Variants in DCC observed in about 807,000 individuals in gnomAD.
The protein encoded by DCC is netrin receptor DCC.
A neutral mutation model predicts 172.5 loss-of-function variants in DCC; 58 were observed. The observed-to-expected ratio is 0.34, with a 90% CI of 0.27 to 0.42. DCC has a LOEUF of 0.42. Among genes scored for constraint, DCC ranks in the 10% least tolerant of loss-of-function variants. DCC has a pLI of 1.00. For missense variants in DCC, 1,740 were observed against 1,791.0 expected (o/e 0.97, Z 0.51); for synonymous variants, 709 against 644.5 (o/e 1.10, Z -1.52).
intron 5 of DCC, among the ~76,000 whole-genome samples, chr18:52,926,362 G>T (rs181690455): frequency 6.6e-6 from 1 of 151,892 alleles, no homozygotes; most frequent in East Asian, 1.9e-4. Context: ...GACGTTGCTT[G>T]TTCTTTGATC....
intron 22 of DCC, among the ~76,000 whole-genome samples, chr18:53,449,750 T>C (rs941882588): frequency 6.6e-6 from 1 of 152,190 alleles, no homozygotes; most frequent in Non-Finnish European, 1.5e-5. Context: ...TATTGAGATA[T>C]ATCTTATGCG....
chr18:52,361,055 G>A (rs74796234), intron 1 of DCC, among the ~76,000 whole-genome samples: 2 of 152,136 alleles, frequency 1.3e-5, no homozygotes, highest in African/African-American at 2.4e-5. Context: ...TCACAGCAGC[G>A]CAAAGTGATG....
At chr18:53,026,793 C>T (rs2041960475) in intron 5 of DCC, among the ~76,000 whole-genome samples, 1 of 151,928 alleles carries the variant, frequency 6.6e-6, no homozygotes, top group Admixed American at 6.6e-5. Context: ...GAACTCCTGG[C>T]CTCAAGAGAT....
intron 9 of DCC, among the ~76,000 whole-genome samples, chr18:53,204,749 A>G (rs1402274077): frequency 6.6e-6 from 1 of 152,194 alleles, no homozygotes. Context: ...GACTTAAAGA[A>G]AGACAATGTG....
chr18:52,906,751 GAT>G (rs1443182845), intron 3 of DCC, among the ~76,000 whole-genome samples: 2 of 151,358 alleles, frequency 1.3e-5, no homozygotes, highest in Non-Finnish European at 2.9e-5. Context: ...TTGAACTATA[GAT>G]ATATGATACA....
intron 1 of DCC, among the ~76,000 whole-genome samples, chr18:52,416,694 AC>A (rs1987043633): frequency 6.6e-6 from 1 of 151,390 alleles, no homozygotes; most frequent in Non-Finnish European, 1.5e-5. Context: ...TAGGATTGCA[AC>A]CCCTGCCTTT....
chr18:53,190,391 C>CA (rs1555727655), intron 9 of DCC, among the ~76,000 whole-genome samples: 4 of 151,650 alleles, frequency 2.6e-5, no homozygotes, highest in South Asian at 2.1e-4. Context: ...AAATTAAATG[C>CA]AAAAAAACTA....
At chr18:53,364,736 C>A (rs566528611) in intron 15 of DCC, among the ~76,000 whole-genome samples, 29 of 152,138 alleles carry the variant, frequency 1.9e-4, no homozygotes, top group Non-Finnish European at 3.5e-4. Context: ...TCTTATTTAT[C>A]CCCTGGCTTT....
At chr18:53,030,940 T>A (rs1468549685) in intron 5 of DCC, among the ~76,000 whole-genome samples, 1 of 152,142 alleles carries the variant, frequency 6.6e-6, no homozygotes, top group Admixed American at 6.6e-5. Flanking sequence ...ACATTACCTA[T>A]ATATTAGACT....
intron 5 of DCC, among the ~76,000 whole-genome samples, chr18:53,008,829 G>T (rs1170515746): frequency 6.6e-6 from 1 of 151,922 alleles, no homozygotes; most frequent in Non-Finnish European, 1.5e-5. Flanking sequence ...AGCAATAGTA[G>T]CACTGGTTTT....
chr18:52,588,348 G>A (rs1322186399), intron 1 of DCC, among the ~76,000 whole-genome samples: 2 of 152,172 alleles, frequency 1.3e-5, no homozygotes, highest in African/African-American at 4.8e-5. Flanking sequence ...CTGTTGCAAA[G>A]CCTTCTCCTG....
intron 27 of DCC, among the ~76,000 whole-genome samples, chr18:53,509,988 A>C (rs1042879258): frequency 1.3e-5 from 2 of 152,216 alleles, no homozygotes; most frequent in Non-Finnish European, 1.5e-5. Context: ...AATTAGTTAA[A>C]TTAGTATTTA....
intron 27 of DCC, among the ~76,000 whole-genome samples, chr18:53,515,823 T>C (rs2046327082): frequency 6.6e-6 from 1 of 151,894 alleles, no homozygotes; most frequent in Non-Finnish European, 1.5e-5. Flanking sequence ...TGGAAGAACA[T>C]TCCATGCTCA....
chr18:53,504,641 C>CAATAATGTTTG (rs1447687170), intron 27 of DCC, among the ~76,000 whole-genome samples: 4 of 152,080 alleles, frequency 2.6e-5, no homozygotes, highest in African/African-American at 9.7e-5. Flanking sequence ...ATTTAAGTAT[C>CAATAATGTTTG]AATAATGTTT....
chr18:52,751,909 T>G (rs1264907768), intron 1 of DCC, 145 bp from the exon 2 acceptor site: 1 of 695,214 alleles, frequency 1.4e-6, no homozygotes, highest in African/African-American at 1.8e-5. Flanking sequence ...TAACATAATA[T>G]CCTTGATTTT....
In DCC at chr18:53,344,445, T is replaced by C. The variant is rs1363145364; in HGVS notation, c.2359+4538T>C. ...TTTTCTTTCTTTTCGTTTTTCTTTT[T>C]TTTTTTTTTTTTTTTGAGCCACAGT... On this transcript the variant is annotated intron_variant, in intron 15 of 28. Transcript: ENST00000442544. 8.7e-5 allele frequency among the ~76,000 whole-genome samples: 12 copies of C among 138,188 alleles called. 1 individual carries two copies. Among genetic ancestry groups the C allele is most frequent in the East Asian group, 2.1e-4 (1 of 4,852 alleles). The allele number at this position is 138,188 out of a possible 152,430, so 90.7% of individuals were successfully genotyped here.
At chr18:53,409,893 C>T (rs568706690) in intron 19 of DCC, among the ~76,000 whole-genome samples, 100 of 152,154 alleles carry the variant, frequency 6.6e-4, no homozygotes, top group African/African-American at 2.2e-3. Context: ...TTGCCCAGAC[C>T]TTTTACCAAT....
At chr18:52,788,465 G>A (rs1459200820) in intron 2 of DCC, among the ~76,000 whole-genome samples, 4 of 152,128 alleles carry the variant, frequency 2.6e-5, no homozygotes, top group Non-Finnish European at 5.9e-5. Flanking sequence ...AGCAAGCCTA[G>A]TATCTAAGTG....
chr18:52,567,189 C>T (rs2033179748), intron 1 of DCC, among the ~76,000 whole-genome samples: 2 of 151,970 alleles, frequency 1.3e-5, no homozygotes, highest in Admixed American at 1.3e-4. Context: ...AATTATCCTT[C>T]CAAACTTTAT....
Sources: gnomAD v4.1 joint callset for allele counts (sites outside exome capture counted in the v4.1 genomes callset) on GRCh38, gnomAD v4.1.1 for gene constraint, MANE v1.5 for transcripts, NCBI Gene and HGNC (gene_info 2026-07-23, HGNC 2026-07-21) for gene names.